MCTP2: variants seen among roughly 807,000 people sequenced by gnomAD.
MCTP2 encodes multiple C2 and transmembrane domain-containing protein 2.
Under a neutral mutation model 111.6 loss-of-function variants are expected in MCTP2, and 132 were observed. The observed-to-expected ratio is 1.18, with a 90% CI of 1.03 to 1.37. The LOEUF (loss-of-function observed/expected upper bound fraction) is 1.37, where lower values mean the gene tolerates loss of function less well. Ranked by LOEUF, MCTP2 falls within the 40% of genes most tolerant of loss-of-function variation. The pLI is 0.00. For missense variants in MCTP2, 1,183 were observed against 1,067.9 expected (o/e 1.11, Z -1.50); for synonymous variants, 395 against 387.7 (o/e 1.02, Z -0.22).
chr15:94,273,083 G>A (rs796981294), intron 1 of MCTP2, among the ~76,000 whole-genome samples: 1 of 152,192 alleles, frequency 6.6e-6, no homozygotes, highest in Non-Finnish European at 1.5e-5. Flanking sequence ...CTCTAGTAGG[G>A]CTGGACTCAA....
At chr15:94,330,924 T>G (rs148684100) in intron 4 of MCTP2, among the ~76,000 whole-genome samples, 5,524 of 151,954 alleles carry the variant, frequency 0.036, 323 homozygotes, top group African/African-American at 0.12. Flanking sequence ...TTGTAGAGGT[T>G]GGATTTTGCC....
rs2074812971 is a variant in MCTP2, at chr15:94,483,235, C to T, written c.*4201C>T. 3 of 152,168 alleles carry T rather than the reference C, an allele frequency of 2.0e-5. No homozygotes were observed. The highest frequency in any genetic ancestry group is 6.5e-5 in the Admixed American group (1 of 15,276). 9.4% of individuals were successfully genotyped at this position (152,168 alleles called of 1,614,324 possible). A position where few individuals can be genotyped will look rare whatever the true frequency, so the allele number is the denominator to read the frequency against. On this transcript the variant is annotated 3_prime_UTR_variant, in exon 23 of 23. Coordinates refer to ENST00000357742, the MANE Select transcript of MCTP2 (RefSeq NM_001385001.1). ...ATTCATTATTGAAAACTATGTTCTG[C>T]ACTTATACATTGTTGGTTGGAGTGT...
chr15:94,277,893 C>A (rs980436297), intron 1 of MCTP2, among the ~76,000 whole-genome samples: 1 of 151,926 alleles, frequency 6.6e-6, no homozygotes, highest in Non-Finnish European at 1.5e-5. Flanking sequence ...CACACTAATA[C>A]AAGATGTAAA....
intron 1 of MCTP2, among the ~76,000 whole-genome samples, chr15:94,246,192 G>T (rs892860248): frequency 6.6e-6 from 1 of 152,066 alleles, no homozygotes; most frequent in Non-Finnish European, 1.5e-5. Flanking sequence ...CACTGAAACC[G>T]TCACCTACAG....
chr15:94,433,626 A>G (rs1241927412), intron 17 of MCTP2, among the ~76,000 whole-genome samples: 1 of 152,216 alleles, frequency 6.6e-6, no homozygotes, highest in Non-Finnish European at 1.5e-5. Context: ...GAAGTAGAAA[A>G]GCTGTGAATT....
chr15:94,355,515 C>T (rs1168816152), intron 8 of MCTP2, among the ~76,000 whole-genome samples: 1 of 152,180 alleles, frequency 6.6e-6, no homozygotes, highest in East Asian at 1.9e-4. Flanking sequence ...TATTGAACCC[C>T]TCCTGGGTCC....
chr15:94,455,283 C>T lies in MCTP2; in HGVS notation c.2251-2854C>T, dbSNP rs1303600530. On this transcript the variant is annotated intron_variant, in intron 19 of 22. Transcript: ENST00000357742. The stretch of plus-strand genomic sequence containing the variant: ...TTAAAATGTTTGACAGGAAAAGTTC[C>T]TGTGAATGAATATAAAAATACAGTG... 2.6e-5 allele frequency among the ~76,000 whole-genome samples: 4 copies of T among 152,268 alleles called. No homozygotes were observed. The South Asian group carries it at 8.3e-4, about 32-fold the overall frequency.
At chr15:94,402,500 A>G in intron 17 of MCTP2, 2 of 1,551,740 alleles carry the variant, frequency 1.3e-6, no homozygotes, top group Non-Finnish European at 1.7e-6. Context: ...GCAAAGAGGA[A>G]CCACCCCTGT....
At chr15:94,442,853 C>G (rs2083858110) in intron 18 of MCTP2, 66 bp from the exon 19 acceptor site, 1 of 1,354,010 alleles carries the variant, frequency 7.4e-7, no homozygotes, top group Admixed American at 1.7e-5. Flanking sequence ...TAAAATGTGT[C>G]TGAGTTTAAT....
intron 21 of MCTP2, among the ~76,000 whole-genome samples, chr15:94,472,010 A>T (rs1045192993): frequency 1.3e-5 from 2 of 152,170 alleles, no homozygotes; most frequent in African/African-American, 4.8e-5. Flanking sequence ...GCTGTTAAAC[A>T]TTGCTTCTTC....
intron 8 of MCTP2, among the ~76,000 whole-genome samples, chr15:94,345,891 A>G (rs1478208126): frequency 1.3e-5 from 2 of 152,170 alleles, no homozygotes; most frequent in African/African-American, 2.4e-5. Flanking sequence ...ATGATGCAGT[A>G]TTTGAGACTG....
At chr15:94,373,365 T>A (rs1211685984) in intron 12 of MCTP2, among the ~76,000 whole-genome samples, 1 of 152,194 alleles carries the variant, frequency 6.6e-6, no homozygotes, top group Non-Finnish European at 1.5e-5. Context: ...AGTTGTTTTA[T>A]CTATAAAGGA....
chr15:94,297,331 C>T (rs146568375), intron 1 of MCTP2, among the ~76,000 whole-genome samples: 3 of 152,166 alleles, frequency 2.0e-5, no homozygotes, highest in East Asian at 3.8e-4. Flanking sequence ...GCATCCTTAT[C>T]CCTCATAACC....
At chr15:94,258,224 T>C (rs1204670491) in intron 1 of MCTP2, among the ~76,000 whole-genome samples, 1 of 152,082 alleles carries the variant, frequency 6.6e-6, no homozygotes, top group African/African-American at 2.4e-5. Context: ...TTCTAATTCC[T>C]TGGTTACTTA....
chr15:94,413,118 G>A (rs1206327639), intron 17 of MCTP2, among the ~76,000 whole-genome samples: 1 of 152,110 alleles, frequency 6.6e-6, no homozygotes, highest in Non-Finnish European at 1.5e-5. Context: ...CTTGGCAATC[G>A]CTTGAGTTTA....
chr15:94,386,682 A>T (rs1008647173), intron 14 of MCTP2, among the ~76,000 whole-genome samples: 7 of 152,022 alleles, frequency 4.6e-5, no homozygotes, highest in Admixed American at 4.6e-4. Flanking sequence ...TTCCCATGAG[A>T]ATACATGTAA....
At chr15:94,455,469 C>T (rs754177621) in intron 19 of MCTP2, among the ~76,000 whole-genome samples, 10 of 151,828 alleles carry the variant, frequency 6.6e-5, no homozygotes, top group South Asian at 2.1e-4. Flanking sequence ...GACGGAGTCT[C>T]GCTCTGTCGC....
intron 16 of MCTP2, among the ~76,000 whole-genome samples, chr15:94,400,282 C>T (rs147200122): frequency 0.016 from 2,386 of 152,212 alleles, 33 homozygotes; most frequent in Non-Finnish European, 0.023. Flanking sequence ...AACAAAAATT[C>T]CTAGCATCAA....
At chr15:94,314,559 A>T (rs2076295348) in intron 3 of MCTP2, among the ~76,000 whole-genome samples, 1 of 152,230 alleles carries the variant, frequency 6.6e-6, no homozygotes, top group African/African-American at 2.4e-5. Flanking sequence ...TTCTAAAAAT[A>T]CAGAGTAACT....
Sources: allele counts gnomAD v4.1 joint callset (sites outside exome capture counted in the v4.1 genomes callset), GRCh38; gene constraint gnomAD v4.1.1; transcripts MANE v1.5; gene names NCBI Gene and HGNC (gene_info 2026-07-23, HGNC 2026-07-21).